AWAT1: variants seen among roughly 807,000 people sequenced by gnomAD.
AWAT1 encodes the protein diacyl-glycerol acyltransferase 2.
In AWAT1, 26 loss-of-function variants were observed where a neutral mutation model predicts 21.6. The ratio of observed to expected loss-of-function variants is 1.20; its 90% CI spans 0.88 to 1.67. The LOEUF is 1.67. AWAT1 is among the 40% of genes most tolerant of loss of function. The probability of loss-of-function intolerance (pLI) is 0.00; values close to 1 mark genes in which losing one functional copy is unlikely to be tolerated. For synonymous variants in AWAT1, 102 were observed against 99.3 expected (o/e 1.03, Z -0.16); for missense variants, 264 against 249.4 (o/e 1.06, Z -0.39).
chrX:70,235,973 C>T, intron 2 of AWAT1, 96 bp from the exon 3 acceptor site: 1 of 935,644 alleles, frequency 1.1e-6, no homozygotes, highest in South Asian at 2.0e-5. Context: ...TCCTTTCCCA[C>T]CTCTCTAGCA....
intron 5 of AWAT1, among the ~76,000 whole-genome samples, chrX:70,239,141 C>G (rs2085527407): frequency 8.9e-6 from 1 of 112,240 alleles, no homozygotes; most frequent in Non-Finnish European, 1.9e-5. Flanking sequence ...AGTCCAGATC[C>G]TGCCACTCAC....
chrX:70,240,020 G>T, intron 6 of AWAT1, 86 bp downstream of exon 6: 1 of 1,140,799 alleles, frequency 8.8e-7, no homozygotes, highest in South Asian at 1.9e-5. Flanking sequence ...GGGCAGCAGA[G>T]GGGAAGGTGG....
chrX:70,239,143 G>A (rs1317455895), intron 5 of AWAT1, among the ~76,000 whole-genome samples: 1 of 112,233 alleles, frequency 8.9e-6, no homozygotes, highest in Non-Finnish European at 1.9e-5. Context: ...TCCAGATCCT[G>A]CCACTCACTC....
chrX:70,238,193 G>T lies in AWAT1; in HGVS notation c.461-19G>T, dbSNP rs181619250. ...AATTTTCTCCTCTCCTGATCATTTT[G>T]CTCCTTGATTCTCTTTAGGTGTGTG... On this transcript the variant is annotated intron_variant, in intron 4 of 6. Transcript: ENST00000374521. 757 of 1,185,300 alleles carry T rather than the reference G, an allele frequency of 6.4e-4. 3 individuals are homozygous for T. In the East Asian group the frequency reaches 0.021, roughly 32 times the overall value.
rs777858768 is a variant in AWAT1, at chrX:70,239,921, T to C, written c.819T>C (p.Pro273=). The C allele has an allele frequency of 6.6e-6, 8 of 1,207,257 alleles. No homozygotes were observed. Among genetic ancestry groups the C allele is most frequent in the Non-Finnish European group, 5.6e-6 (5 of 893,791 alleles). ...CTGGGCTCCTGCCATACTCCAGGCCTATTGTCACTGTGGGTGAGTGCCACT... is the reference window on the plus strand; with the variant it reads ...CTGGGCTCCTGCCATACTCCAGGCCCATTGTCACTGTGGGTGAGTGCCACT... ...GSTGLLPYSR[P]IVTVVGEPLP... is the part of the protein sequence containing the mutation. Residue 273 remains proline (P), a synonymous_variant, in exon 6 of 7, where the codon CCT becomes CCC. Coordinates refer to ENST00000374521, the MANE Select transcript of AWAT1 (RefSeq NM_001013579.3).
intron 5 of AWAT1, among the ~76,000 whole-genome samples, chrX:70,239,158 CCTGAGTGGCCATCCCTTT>C (rs72001253): frequency 0.078 from 8,766 of 112,104 alleles, 304 homozygotes; most frequent in Middle Eastern, 0.11. Flanking sequence ...TCACTCACTG[CCTGAGTGGCCATCCCTTT>C]CTGAACCTGT....
intron 6 of AWAT1, 40 bp from the exon 7 acceptor site, chrX:70,240,096 C>G (rs1449427966): frequency 5.8e-6 from 7 of 1,197,359 alleles, no homozygotes; most frequent in Non-Finnish European, 7.9e-6. Context: ...AGAGGAGGTC[C>G]TAACACTTTC....
At chrX:70,236,013 G>A in intron 2 of AWAT1, 56 bp from the exon 3 acceptor site, 1 of 1,047,046 alleles carries the variant, frequency 9.6e-7, no homozygotes, top group Non-Finnish European at 1.3e-6. Context: ...CTGAGTCCGT[G>A]GAATGTATGG....
At chrX:70,238,529 C>G (rs940375062) in intron 5 of AWAT1, 146 bp downstream of exon 5, 15 of 625,227 alleles carry the variant, frequency 2.4e-5, no homozygotes, top group Non-Finnish European at 3.4e-5. Context: ...TCCTTCTGAG[C>G]TAGCTCAACT....
intron 5 of AWAT1, among the ~76,000 whole-genome samples, chrX:70,239,173 C>T (rs772119614): frequency 1.7e-4 from 17 of 97,870 alleles, no homozygotes; most frequent in African/African-American, 5.0e-4. Flanking sequence ...GTGGCCATCC[C>T]TTTCTGAACC....
At chrX:70,239,676 T>C in intron 5 of AWAT1, 59 bp from the exon 6 acceptor site, 8 of 1,037,328 alleles carry the variant, frequency 7.7e-6, no homozygotes, top group Non-Finnish European at 1.1e-5. Context: ...ACAAATGTTC[T>C]TCCAGGGTGG....
chrX:70,239,667 C>T, intron 5 of AWAT1, 68 bp from the exon 6 acceptor site: 5 of 1,011,617 alleles, frequency 4.9e-6, no homozygotes, highest in South Asian at 3.8e-5. Flanking sequence ...GGCAAGCAAA[C>T]AAATGTTCTT....
intron 5 of AWAT1, among the ~76,000 whole-genome samples, chrX:70,239,089 T>A (rs1448715226): frequency 8.9e-6 from 1 of 111,942 alleles, no homozygotes; most frequent in Non-Finnish European, 1.9e-5. Flanking sequence ...GTTGGAAGAA[T>A]CATGTAGGGA....
intron 4 of AWAT1, among the ~76,000 whole-genome samples, chrX:70,237,854 AAAG>A (rs1293838914): frequency 1.9e-5 from 2 of 106,303 alleles, no homozygotes; most frequent in Non-Finnish European, 3.9e-5. Context: ...AAAAAAAAAA[AAAG>A]AATTCGACAC....
intron 4 of AWAT1, 67 bp from the exon 5 acceptor site, chrX:70,238,145 A>G (rs1473504873): frequency 9.5e-7 from 1 of 1,048,568 alleles, no homozygotes; most frequent in African/African-American, 1.9e-5. Flanking sequence ...AGTGAAGAGC[A>G]GAGAAGAGTG....
chrX:70,236,707 T>G (rs959045320), intron 3 of AWAT1, among the ~76,000 whole-genome samples: 1 of 111,527 alleles, frequency 9.0e-6, no homozygotes, highest in East Asian at 2.8e-4. Context: ...CTTTGGAGTA[T>G]ACAACAAACA....
intron 3 of AWAT1, 63 bp from the exon 4 acceptor site, chrX:70,236,981 C>A: frequency 2.0e-6 from 2 of 1,024,303 alleles, no homozygotes; most frequent in Non-Finnish European, 2.7e-6. Flanking sequence ...GAAGTATCAC[C>A]ACCCTTGTTT....
chrX:70,235,574 T>C (rs2085510664), intron 1 of AWAT1, 142 bp from the exon 2 acceptor site: 2 of 501,587 alleles, frequency 4.0e-6, no homozygotes, highest in Admixed American at 2.8e-5. Flanking sequence ...GAAGGACAAG[T>C]AGACATGGAT....
chrX:70,236,775 A>T (rs1164287138), intron 3 of AWAT1, among the ~76,000 whole-genome samples: 4 of 111,672 alleles, frequency 3.6e-5, no homozygotes, highest in Non-Finnish European at 7.5e-5. Flanking sequence ...GCTCATAGAC[A>T]ATGATAATTT....
Sources: gnomAD v4.1 joint callset for allele counts (sites outside exome capture counted in the v4.1 genomes callset) on GRCh38, gnomAD v4.1.1 for gene constraint, MANE v1.5 for transcripts, NCBI Gene and HGNC (gene_info 2026-07-23, HGNC 2026-07-21) for gene names.